Variants in IQCH observed in about 807,000 individuals in gnomAD.
IQCH encodes the protein IQ domain-containing protein H.
Under a neutral mutation model 117.0 loss-of-function variants are expected in IQCH, and 98 were observed. The observed-to-expected ratio is 0.84, with a 90% CI of 0.71 to 0.99. The LOEUF (loss-of-function observed/expected upper bound fraction) is 0.99. IQCH is among the 50% of genes least tolerant of loss of function. The probability of loss-of-function intolerance (pLI) is 0.00; values close to 1 mark genes in which losing one functional copy is unlikely to be tolerated. For synonymous variants in IQCH, 412 were observed against 448.2 expected, an observed-to-expected ratio of 0.92 and a Z score of 1.02; for missense variants, 1,102 against 1,243.8, an observed-to-expected ratio of 0.89 and a Z score of 1.72.
chr15:67,340,784 T>C lies in IQCH; in HGVS notation c.509-3279T>C, dbSNP rs568607213. Among the ~76,000 whole-genome samples, 16 of 152,332 alleles carry C rather than the reference T, an allele frequency of 1.1e-4. No homozygotes were observed. In the East Asian group the frequency reaches 2.7e-3, roughly 26 times the overall value. ...AGAATTCCTTTATGATCTAATTTAT[T>C]AATGCCATCTGGAGACAGGAAAACA... On this transcript the variant is annotated intron_variant, in intron 5 of 20. Coordinates refer to ENST00000335894, the MANE Select transcript of IQCH (RefSeq NM_001031715.3).
Position 67,486,029 on chromosome 15 carries a change from CTAAGT to C in IQCH, c.2800-3972_2800-3968del, listed in dbSNP as rs1308760364. On this transcript the variant is annotated intron_variant, in intron 18 of 20. Transcript: ENST00000335894. ...TTCAAATGAGCAATAAGACTGCTAGCTAAGTTTTCTTTTTTTTTTTTTTTTTTTTG... is the reference window on the plus strand; with the variant it reads ...TTCAAATGAGCAATAAGACTGCTAGCTTTCTTTTTTTTTTTTTTTTTTTTG... Among the ~76,000 whole-genome samples the C allele has an allele frequency of 2.9e-5, 4 of 136,656 alleles. No homozygotes were observed. The East Asian group carries it at 6.5e-4, about 22-fold the overall frequency. The allele number at this position is 136,656 out of a possible 152,430, so 89.7% of individuals were successfully genotyped here.
chr15:67,254,925 C>T lies in IQCH; in HGVS notation c.29C>T (p.Pro10Leu), dbSNP rs997305878. Residue 10 changes from proline to leucine, a missense_variant, in exon 1 of 21, where the codon CCT becomes CTT. Physicochemically the swap from Pro to Leu is moderately conservative, Grantham distance 98 (BLOSUM62 -3). Coordinates refer to ENST00000335894, the MANE Select transcript of IQCH (RefSeq NM_001031715.3). ...GCACAGAACACTGAAAACCACGACCCTGTCGGATCCATCTTAATCCAGGTG... is the reference window on the plus strand; with the variant it reads ...GCACAGAACACTGAAAACCACGACCTTGTCGGATCCATCTTAATCCAGGTG... MAQNTENHDPVGSILIQIHE... is the reference protein window; with the variant it reads MAQNTENHDLVGSILIQIHE... 1.2e-6 allele frequency: 2 copies of T among 1,613,754 alleles called. No homozygotes were observed. The highest frequency in any genetic ancestry group is 8.5e-7 in the Non-Finnish European group (1 of 1,179,850).
At position 67,496,995 on chromosome 15, in the gene IQCH, G is replaced by A. The variant is rs4365240; in HGVS notation, c.2970+2629G>A. On this transcript the variant is annotated intron_variant, in intron 20 of 20. Coordinates refer to ENST00000335894, the MANE Select transcript of IQCH (RefSeq NM_001031715.3). This position sits in a 1 kb window ranked among gnomAD's most constrained non-coding sequence, Gnocchi z 4.4. ...ATTGCGCCACTGCAGTCCGCAGTCC[G>A]GCCTGGGCGACAGAGCGAGACTCCG... Among the ~76,000 whole-genome samples the A allele has an allele frequency of 0.68, 93,414 of 137,174 alleles. 32,662 individuals are homozygous for A. Among genetic ancestry groups the A allele is most frequent in the Middle Eastern group, 0.8 (215 of 268 alleles). The allele number at this position is 137,174 out of a possible 152,430, so 90.0% of individuals were successfully genotyped here. A position where few individuals can be genotyped will look rare whatever the true frequency, so the allele number is the denominator to read the frequency against.
In IQCH at chr15:67,337,104, T is replaced by C; in HGVS notation, c.508+9T>C. The C allele has an allele frequency of 1.2e-6, 2 of 1,612,834 alleles. No individual in the cohort carries two copies. Among genetic ancestry groups the C allele is most frequent in the Non-Finnish European group, 8.5e-7 (1 of 1,179,290 alleles). ...AGCAGATGCCCACAAAGGTTAGTGA[T>C]TCAATAGCCATTTTACGTGTTTAGG... On this transcript the variant is annotated intron_variant, in intron 5 of 20. Coordinates refer to ENST00000335894, the MANE Select transcript of IQCH (RefSeq NM_001031715.3).
rs1244999954 is a variant in IQCH at position 67,285,289 on chromosome 15, A to G, written c.387+5777A>G. On this transcript the variant is annotated intron_variant, in intron 4 of 20. Transcript: ENST00000335894. ...AAGTATCCATTCATGTCCTTTGCCC[A>G]CTTTTTAATGTTTTTTTTTTCTCAG... Among the ~76,000 whole-genome samples the G allele has an allele frequency of 2.2e-4, 30 of 138,218 alleles. 1 individual carries two copies. Among genetic ancestry groups the G allele is most frequent in the African/African-American group, 2.8e-5 (1 of 35,300 alleles). 90.7% of individuals were successfully genotyped at this position (138,218 alleles called of 152,430 possible). A position where few individuals can be genotyped will look rare whatever the true frequency, so the allele number is the denominator to read the frequency against.
intron 4 of IQCH, among the ~76,000 whole-genome samples, chr15:67,283,520 C>T (rs1421085698): frequency 2.0e-5 from 3 of 151,704 alleles, no homozygotes; most frequent in African/African-American, 7.3e-5. Flanking sequence ...TGTGATATTT[C>T]TGAGTTTTTT....
At chr15:67,266,525 C>T (rs1199689935) in intron 3 of IQCH, among the ~76,000 whole-genome samples, 1 of 152,122 alleles carries the variant, frequency 6.6e-6, no homozygotes, top group Admixed American at 6.5e-5. Context: ...GGCGTGGTGG[C>T]AGGCGCCTGT....
intron 16 of IQCH, among the ~76,000 whole-genome samples, chr15:67,441,422 T>C (rs2082269055): frequency 6.6e-6 from 1 of 152,168 alleles, no homozygotes; most frequent in African/African-American, 2.4e-5. Context: ...AGAGCCCAGA[T>C]GGCCAAAGCA....
At position 67,403,456 on chromosome 15, in the gene IQCH, C is replaced by T. The variant is rs1385235423; in HGVS notation, c.2097+3151C>T. 6.6e-6 allele frequency among the ~76,000 whole-genome samples: 1 copy of T among 151,970 alleles called. No individual in the cohort carries two copies. Among genetic ancestry groups the T allele is most frequent in the Admixed American group, 6.6e-5 (1 of 15,262 alleles). On this transcript the variant is annotated intron_variant, in intron 14 of 20. Transcript: ENST00000335894. This position sits in a 1 kb window ranked among gnomAD's most constrained non-coding sequence, Gnocchi z 4.8. ...TGATGGCCAAAATGAAAACAGAACA[C>T]ACTCTATCATTTTTTTCTTGGTGAC...
Position 67,260,177 on chromosome 15 carries a change from C to G in IQCH, c.52-1095C>G, listed in dbSNP as rs1965400100. ...GTGTTGGGTTCATAAATTTGCATAA[C>G]AAAATGTTTTTCTTGTGGCAGCAGC... On this transcript the variant is annotated intron_variant, in intron 1 of 20. Transcript: ENST00000335894. Among the ~76,000 whole-genome samples, 3 of 152,290 alleles carry G rather than the reference C, an allele frequency of 2.0e-5. No individual in the cohort carries two copies. The South Asian group carries it at 6.2e-4, about 32-fold the overall frequency.
chr15:67,332,667 A>C (rs1038160360), intron 4 of IQCH, among the ~76,000 whole-genome samples: 2 of 152,236 alleles, frequency 1.3e-5, no homozygotes, highest in Non-Finnish European at 2.9e-5. Flanking sequence ...GGATGGTGCA[A>C]AAATTAAGAT....
intron 16 of IQCH, among the ~76,000 whole-genome samples, chr15:67,423,765 A>G (rs560641797): frequency 1.3e-5 from 2 of 151,288 alleles, no homozygotes; most frequent in African/African-American, 4.9e-5. Context: ...GAGGCAATAG[A>G]ATTGCTTGAA....
intron 4 of IQCH, among the ~76,000 whole-genome samples, chr15:67,325,411 C>T (rs1378250471): frequency 2.0e-5 from 3 of 151,574 alleles, no homozygotes; most frequent in African/African-American, 7.3e-5. Context: ...GTCAATTATG[C>T]CTTAATAAAG....
intron 8 of IQCH, chr15:67,371,449 G>A: frequency 2.0e-6 from 3 of 1,508,970 alleles, no homozygotes; most frequent in Non-Finnish European, 2.7e-6. Flanking sequence ...TAATCCACCT[G>A]GGACAGCCCC....
In IQCH at chr15:67,370,088, A is replaced by G. The variant is rs1033787101; in HGVS notation, c.754-2023A>G. ...AAGGCTGTTCTTTCAGAAGGTCTAA[A>G]ATACATTTGCTGATGTACGTAAAAA... On this transcript the variant is annotated intron_variant, in intron 8 of 20. Transcript: ENST00000335894. The surrounding 1 kb of genome is among the most constrained non-coding windows in gnomAD (Gnocchi z 5.6). Among the ~76,000 whole-genome samples the G allele has an allele frequency of 1.3e-5, 2 of 152,170 alleles. No homozygotes were observed. The highest frequency in any genetic ancestry group is 4.8e-5 in the African/African-American group (2 of 41,442).
rs979016704 is a variant in IQCH, at chr15:67,496,026, G to T, written c.2970+1660G>T. On this transcript the variant is annotated intron_variant, in intron 20 of 20. Transcript: ENST00000335894. This position sits in a 1 kb window ranked among gnomAD's most constrained non-coding sequence, Gnocchi z 4.4. ...AAGTAAAGGCTAAATAAAAATGGAA[G>T]GTGATTGAGGCTGGGCACAATGGCT... Among the ~76,000 whole-genome samples, 2 of 152,186 alleles carry T rather than the reference G, an allele frequency of 1.3e-5. No individual in the cohort carries two copies. The highest frequency in any genetic ancestry group is 4.8e-5 in the African/African-American group (2 of 41,454).
chr15:67,455,199 A>ATATCAGGAGT (rs1398964037), intron 16 of IQCH, among the ~76,000 whole-genome samples: 1 of 152,194 alleles, frequency 6.6e-6, no homozygotes, highest in African/African-American at 2.4e-5. Flanking sequence ...GGCACTACTA[A>ATATCAGGAGT]TATCAGGAGT....
intron 4 of IQCH, among the ~76,000 whole-genome samples, chr15:67,288,412 A>G (rs1842607744): frequency 6.6e-6 from 1 of 152,046 alleles, no homozygotes; most frequent in Non-Finnish European, 1.5e-5. Context: ...TTTGCTTTAT[A>G]TATTTCGATG....
chr15:67,267,683 G>T (rs1187730321), intron 3 of IQCH, among the ~76,000 whole-genome samples: 2 of 152,180 alleles, frequency 1.3e-5, no homozygotes, highest in Non-Finnish European at 2.9e-5. Flanking sequence ...GAGAGGGGAG[G>T]CATATAATGA....
Sources: allele counts gnomAD v4.1 joint callset (sites outside exome capture counted in the v4.1 genomes callset), GRCh38; gene constraint gnomAD v4.1.1; non-coding constraint Gnocchi (gnomAD v3.1); transcripts MANE v1.5; gene names NCBI Gene and HGNC (gene_info 2026-07-23, HGNC 2026-07-21).